C6: variants seen among roughly 807,000 people sequenced by gnomAD.
C6 encodes the protein complement component C6.
A neutral mutation model predicts 112.9 loss-of-function variants in C6; 101 were observed. The observed-to-expected ratio is 0.89, with a 90% CI of 0.76 to 1.06. The LOEUF (loss-of-function observed/expected upper bound fraction) is 1.06. C6 is among the 50% of genes least tolerant of loss of function. The probability of loss-of-function intolerance (pLI) is 0.00; values close to 1 mark genes in which losing one functional copy is unlikely to be tolerated. For synonymous variants in C6, 431 were observed against 384.1 expected (o/e 1.12, Z -1.43); for missense variants, 1,202 against 1,104.6 (o/e 1.09, Z -1.25).
intron 1 of C6, among the ~76,000 whole-genome samples, chr5:41,224,920 C>G (rs561776971): frequency 6.6e-6 from 1 of 152,036 alleles, no homozygotes; most frequent in East Asian, 1.9e-4. Flanking sequence ...TTGTTATTTT[C>G]TTTTTTTTCT....
chr5:41,155,012 T>G lies in C6; in HGVS notation c.2061A>C (p.Leu687Phe). The change falls in exon 14 of 18, where the codon TTA becomes TTC. Residue 687 changes from leucine to phenylalanine, a missense_variant. Transcript: ENST00000337836. ...ETVGYQYFRC[L>F]PDGTWRQGDV... ...CCCCTTGTCTCCAGGTCCCGTCTGG[T>G]AAGCATCTGAAGTACTGGTATCCAA... 9 of 1,613,832 alleles carry G rather than the reference T, an allele frequency of 5.6e-6. No individual in the cohort carries two copies. The highest frequency in any genetic ancestry group is 6.8e-6 in the Non-Finnish European group (8 of 1,179,770).
chr5:41,186,342 C>T, intron 5 of C6, 134 bp from the exon 6 acceptor site: 2 of 956,164 alleles, frequency 2.1e-6, no homozygotes, highest in East Asian at 5.3e-5. Flanking sequence ...TCCCCCACAC[C>T]TCCGCTTTTT....
chr5:41,257,781 C>T (rs1741810192), intron 1 of C6, among the ~76,000 whole-genome samples: 1 of 152,098 alleles, frequency 6.6e-6, no homozygotes, highest in Non-Finnish European at 1.5e-5. Context: ...TACCTCCCAG[C>T]CCCCTCATGC....
chr5:41,195,709 G>C, intron 5 of C6, 83 bp downstream of exon 5: 1 of 1,379,442 alleles, frequency 7.2e-7, no homozygotes, highest in Non-Finnish European at 1.0e-6. Flanking sequence ...GAGGAAGATG[G>C]ACAATGATGT....
At chr5:41,157,786 G>A (rs923901323) in intron 13 of C6, among the ~76,000 whole-genome samples, 1 of 152,302 alleles carries the variant, frequency 6.6e-6, no homozygotes, top group African/African-American at 2.4e-5. Flanking sequence ...GTCCTTTGGC[G>A]CATTGTTGAG....
At chr5:41,234,966 T>C (rs1740164487) in intron 1 of C6, among the ~76,000 whole-genome samples, 1 of 152,076 alleles carries the variant, frequency 6.6e-6, no homozygotes, top group African/African-American at 2.4e-5. Context: ...AGATTTGTCC[T>C]TCTATTCACT....
chr5:41,203,613 T>C (rs1477580800), intron 1 of C6: 4 of 238,898 alleles, frequency 1.7e-5, no homozygotes, highest in Non-Finnish European at 3.4e-5. Context: ...GTGTGAGCAA[T>C]AGCCTCAAGT....
intron 1 of C6, among the ~76,000 whole-genome samples, chr5:41,258,287 T>C (rs977471559): frequency 6.6e-6 from 1 of 152,338 alleles, no homozygotes; most frequent in African/African-American, 2.4e-5. Flanking sequence ...TTTCATAAAC[T>C]TCTTTATTCT....
intron 1 of C6, among the ~76,000 whole-genome samples, chr5:41,228,531 CTAAT>C (rs1177010369): frequency 1.3e-5 from 2 of 152,026 alleles, no homozygotes; most frequent in Admixed American, 1.3e-4. Flanking sequence ...TGTCTTATTC[CTAAT>C]TGTTGAGAAA....
chr5:41,201,696 CT>C lies in C6; in HGVS notation c.161del (p.Lys54SerfsTer69). The C allele has an allele frequency of 6.2e-7, 1 of 1,613,524 alleles. No homozygotes were observed. The highest frequency in any genetic ancestry group is 8.5e-7 in the Non-Finnish European group (1 of 1,179,708). On this transcript the variant is annotated frameshift_variant, in exon 3 of 18. Coordinates refer to ENST00000337836, the MANE Select transcript of C6 (RefSeq NM_000065.5). LOFTEE classifies it high-confidence loss of function. The stretch of plus-strand genomic sequence containing the variant: ...GTTCACAAAAGTTTTCCTGGTAGTA[CT>C]TATCTACTACTATTTGTCTGTAACC... ...QSRHRQIVVDKYYQENFCEQI... is the reference protein window; with the variant it reads ...QSRHRQIVVDXYYQENFCEQI...
chr5:41,144,889 T>C lies in C6; in HGVS notation c.2624-1883A>G, dbSNP rs150088284. Among the ~76,000 whole-genome samples the C allele has an allele frequency of 1.4e-3, 216 of 152,306 alleles. 5 individuals are homozygous for C. In the East Asian group the frequency reaches 0.037, roughly 26 times the overall value. Reference sequence around the variant, plus strand: ...CTTAGGATAATGGCTTCCAGCTCCATCCATGTTGCTGCAAAAGACATGATC... The same window carrying C: ...CTTAGGATAATGGCTTCCAGCTCCACCCATGTTGCTGCAAAAGACATGATC... On this transcript the variant is annotated intron_variant, in intron 17 of 17. Transcript: ENST00000337836.
In C6 at chr5:41,195,952, C is replaced by CA; in HGVS notation, c.446-20dup. ...CAGCGGCCTAGTCAAGAAAAGCAAA[C>CA]AAAATCAATGCAACAAATTATCATT... On this transcript the variant is annotated intron_variant, in intron 4 of 17. Transcript: ENST00000337836. The CA allele has an allele frequency of 6.2e-7, 1 of 1,613,182 alleles. No individual in the cohort carries two copies. The highest frequency in any genetic ancestry group is 8.5e-7 in the Non-Finnish European group (1 of 1,179,590).
intron 1 of C6, among the ~76,000 whole-genome samples, chr5:41,243,866 C>T (rs1268890688): frequency 6.6e-6 from 1 of 152,206 alleles, no homozygotes; most frequent in African/African-American, 2.4e-5. Context: ...TTTCTCTTTC[C>T]TCAGTTGGAG....
chr5:41,149,535 G>T, intron 16 of C6, 53 bp from the exon 17 acceptor site: 2 of 1,608,174 alleles, frequency 1.2e-6, no homozygotes, highest in Non-Finnish European at 8.5e-7. Context: ...AAAAAAACAG[G>T]GGGCACGTAG....
At chr5:41,255,968 T>G (rs1741670094) in intron 1 of C6, among the ~76,000 whole-genome samples, 1 of 152,202 alleles carries the variant, frequency 6.6e-6, no homozygotes, top group Non-Finnish European at 1.5e-5. Flanking sequence ...CATTCCCAAC[T>G]TTTGACAAGT....
chr5:41,159,147 T>A lies in C6; in HGVS notation c.1791A>T (p.Gly597=). 6.2e-7 allele frequency: 1 copy of A among 1,613,648 alleles called. No homozygotes were observed. Among genetic ancestry groups the A allele is most frequent in the Middle Eastern group, 1.7e-4 (1 of 6,056 alleles). Residue 597 remains glycine (G), a synonymous_variant, in exon 12 of 18, where the codon GGA becomes GGT. Coordinates refer to ENST00000337836, the MANE Select transcript of C6 (RefSeq NM_000065.5). Reference sequence around the variant, plus strand: ...GCTTCTCCCCCTCACAGCGTTTCCCTCCTCGTTGGGGGGCAGGATTATTGC... The same window carrying A: ...GCTTCTCCCCCTCACAGCGTTTCCCACCTCGTTGGGGGGCAGGATTATTGC... ...RECNNPAPQR[G]GKRCEGEKRQ...
chr5:41,162,051 A>G (rs1747569447), intron 9 of C6, among the ~76,000 whole-genome samples, 192 bp from the exon 10 acceptor site: 1 of 152,306 alleles, frequency 6.6e-6, no homozygotes, highest in East Asian at 1.9e-4. Flanking sequence ...AGAAATAATA[A>G]TAACAGTACT....
At position 41,170,721 on chromosome 5, in the gene C6, A is replaced by G. The variant is rs147145649; in HGVS notation, c.1291+1504T>C. Among the ~76,000 whole-genome samples the G allele has an allele frequency of 8.1e-4, 124 of 152,202 alleles. 1 individual carries two copies. Among genetic ancestry groups the G allele is most frequent in the Admixed American group, 1.8e-3 (28 of 15,280 alleles). ...TCTGTTTATTATTATAGTAAATATT[A>G]TATTTTATTTGTTTCTTGTCTGTCT... On this transcript the variant is annotated intron_variant, in intron 9 of 17. Transcript: ENST00000337836.
chr5:41,233,629 C>A (rs1339195129), intron 1 of C6, among the ~76,000 whole-genome samples: 1 of 152,044 alleles, frequency 6.6e-6, no homozygotes, highest in African/African-American at 2.4e-5. Context: ...GAGGCAGACA[C>A]ATTTGTAGAT....
Sources: gnomAD v4.1 joint callset for allele counts (sites outside exome capture counted in the v4.1 genomes callset) on GRCh38, gnomAD v4.1.1 for gene constraint, MANE v1.5 for transcripts, NCBI Gene and HGNC (gene_info 2026-07-23, HGNC 2026-07-21) for gene names.